Variants in AZI2 observed in about 807,000 individuals in gnomAD.
AZI2 encodes the protein 5-azacytidine induced 2, also known as 5-azacytidine-induced protein 2.
A neutral mutation model predicts 45.8 loss-of-function variants in AZI2; 22 were observed. That is an observed-to-expected ratio of 0.48 (90% CI 0.34 to 0.69). The LOEUF is 0.69. Ranked by LOEUF, AZI2 falls within the 30% of genes least tolerant of loss-of-function variation. AZI2 has a pLI of 0.01. For synonymous variants in AZI2, 137 were observed against 156.7 expected (o/e 0.87, Z 0.94); for missense variants, 417 against 441.5 (o/e 0.94, Z 0.50).
intron 6 of AZI2, among the ~76,000 whole-genome samples, chr3:28,331,470 G>T (rs1433832190): frequency 6.6e-6 from 1 of 151,500 alleles, no homozygotes; most frequent in Non-Finnish European, 1.5e-5. Flanking sequence ...AGACTGTACT[G>T]CCAGCTCACA....
intron 6 of AZI2, among the ~76,000 whole-genome samples, chr3:28,329,444 A>T (rs1432872461): frequency 6.6e-6 from 1 of 151,210 alleles, no homozygotes; most frequent in African/African-American, 2.4e-5. Context: ...ACTTCTCAGT[A>T]TAAAACTTCA....
intron 5 of AZI2, 141 bp downstream of exon 5, chr3:28,336,596 C>A: frequency 2.2e-6 from 2 of 920,940 alleles, no homozygotes; most frequent in Non-Finnish European, 3.0e-6. Context: ...GGTAGATAAA[C>A]AAGAATTTTT....
Position 28,323,905 on chromosome 3 carries a change from AGT to A in AZI2, c.*135_*136del, listed in dbSNP as rs1703276828. Reference sequence around the variant, plus strand: ...TATGTTGGTTTTTGTACTATTGTACAGTGTGTTCAAATATAGATACTGAAGAC... The same window carrying A: ...TATGTTGGTTTTTGTACTATTGTACAGTGTTCAAATATAGATACTGAAGAC... On this transcript the variant is annotated 3_prime_UTR_variant, in exon 8 of 8. Transcript: ENST00000479665. The A allele has an allele frequency of 7.4e-6, 7 of 949,570 alleles. No homozygotes were observed. The highest frequency in any genetic ancestry group is 1.7e-5 in the African/African-American group (1 of 59,632). The allele number at this position is 949,570 out of a possible 1,614,324, so 58.8% of individuals were successfully genotyped here.
Position 28,321,562 on chromosome 3 carries a change from C to T in AZI2, c.*2480G>A, listed in dbSNP as rs1436030066. The stretch of plus-strand genomic sequence containing the variant: ...ATCTGTCTCAGTTGTGTCTTGCTTG[C>T]TTATGGGTGCCTCTGTTGATATTAT... On this transcript the variant is annotated 3_prime_UTR_variant, in exon 8 of 8. Transcript: ENST00000479665. 3 of 151,304 alleles carry T rather than the reference C, an allele frequency of 2.0e-5. No homozygotes were observed. Among genetic ancestry groups the T allele is most frequent in the Non-Finnish European group, 4.4e-5 (3 of 67,528 alleles). 9.4% of individuals were successfully genotyped at this position (151,304 alleles called of 1,614,324 possible). A position where few individuals can be genotyped will look rare whatever the true frequency, so the allele number is the denominator to read the frequency against.
At chr3:28,337,905 GT>G in intron 4 of AZI2, 31 bp downstream of exon 4, 1 of 1,319,626 alleles carries the variant, frequency 7.6e-7, no homozygotes, top group Non-Finnish European at 1.0e-6. Flanking sequence ...TGTTAATTCT[GT>G]TAGAATATTT....
chr3:28,333,911 C>T (rs535418348), intron 5 of AZI2, among the ~76,000 whole-genome samples: 4 of 150,456 alleles, frequency 2.7e-5, no homozygotes, highest in Non-Finnish European at 5.9e-5. Context: ...ACTGGGCTAC[C>T]GTTATTAGGG....
At position 28,323,926 on chromosome 3, in the gene AZI2, T is replaced by C. The variant is rs779580842; in HGVS notation, c.*116A>G. On this transcript the variant is annotated 3_prime_UTR_variant, in exon 8 of 8. Coordinates refer to ENST00000479665, the MANE Select transcript of AZI2 (RefSeq NM_022461.5). The stretch of plus-strand genomic sequence containing the variant: ...GTACAGTGTGTTCAAATATAGATAC[T>C]GAAGACCTCTGCAAAATTTTAATCA... 99 of 1,219,058 alleles carry C rather than the reference T, an allele frequency of 8.1e-5. No homozygotes were observed. The highest frequency in any genetic ancestry group is 1.1e-4 in the Non-Finnish European group (92 of 872,356). 75.5% of individuals were successfully genotyped at this position (1,219,058 alleles called of 1,614,324 possible).
At chr3:28,338,368 C>A in intron 3 of AZI2, 125 bp downstream of exon 3, 1 of 1,079,438 alleles carries the variant, frequency 9.3e-7, no homozygotes. Flanking sequence ...TCCATTTTGC[C>A]TTGAACATGT....
intron 1 of AZI2, among the ~76,000 whole-genome samples, chr3:28,346,119 A>T (rs912200137): frequency 9.9e-5 from 15 of 152,148 alleles, no homozygotes; most frequent in African/African-American, 3.4e-4. Flanking sequence ...TACAACATTC[A>T]AAGAGGCAAT....
At position 28,322,216 on chromosome 3, in the gene AZI2, C is replaced by T. The variant is rs1043889235; in HGVS notation, c.*1826G>A. The T allele has an allele frequency of 6.6e-6, 1 of 151,220 alleles. No individual in the cohort carries two copies. Among genetic ancestry groups the T allele is most frequent in the African/African-American group, 2.4e-5 (1 of 41,332 alleles). The allele number at this position is 151,220 out of a possible 1,614,324, so 9.4% of individuals were successfully genotyped here. A position where few individuals can be genotyped will look rare whatever the true frequency, so the allele number is the denominator to read the frequency against. ...TATACCTGTTTGATAGCTATCATCACTGTACTGTTTAAATGGAAAATAATT... is the reference window on the plus strand; with the variant it reads ...TATACCTGTTTGATAGCTATCATCATTGTACTGTTTAAATGGAAAATAATT... On this transcript the variant is annotated 3_prime_UTR_variant, in exon 8 of 8. Coordinates refer to ENST00000479665, the MANE Select transcript of AZI2 (RefSeq NM_022461.5).
intron 6 of AZI2, among the ~76,000 whole-genome samples, chr3:28,327,173 A>G (rs1467027195): frequency 6.6e-6 from 1 of 151,076 alleles, no homozygotes; most frequent in Non-Finnish European, 1.5e-5. Context: ...CTATTATATT[A>G]AACGGTATAA....
chr3:28,343,062 T>G (rs1190190528), intron 1 of AZI2, among the ~76,000 whole-genome samples: 3 of 152,088 alleles, frequency 2.0e-5, no homozygotes, highest in African/African-American at 7.2e-5. Flanking sequence ...TTGTTCATTT[T>G]TATCATGAAA....
chr3:28,346,776 T>C (rs1436742519), intron 1 of AZI2, among the ~76,000 whole-genome samples: 1 of 152,172 alleles, frequency 6.6e-6, no homozygotes, highest in East Asian at 1.9e-4. Flanking sequence ...ATTTGTAAAA[T>C]AGCCTAACTA....
chr3:28,346,340 T>A (rs1271635254), intron 1 of AZI2, among the ~76,000 whole-genome samples: 1 of 152,068 alleles, frequency 6.6e-6, no homozygotes. Flanking sequence ...CTTACTAAAC[T>A]GTGAAGGCAA....
At chr3:28,341,590 T>C (rs1704019963) in intron 1 of AZI2, 1 of 152,094 alleles carries the variant, frequency 6.6e-6, no homozygotes, top group Non-Finnish European at 1.5e-5. Flanking sequence ...CTCTGAGAGT[T>C]AGGTTCCTGA....
At chr3:28,333,794 A>T (rs929790418) in intron 5 of AZI2, among the ~76,000 whole-genome samples, 2 of 151,622 alleles carry the variant, frequency 1.3e-5, no homozygotes, top group African/African-American at 4.8e-5. Flanking sequence ...AGTTTCATAT[A>T]AGGTGAGGCC....
chr3:28,326,616 C>T, intron 7 of AZI2: 1 of 520,280 alleles, frequency 1.9e-6, no homozygotes, highest in Admixed American at 3.3e-5. Context: ...GAAAAGAATA[C>T]AGTACTGAAG....
intron 6 of AZI2, among the ~76,000 whole-genome samples, chr3:28,331,375 GAA>G (rs1416514241): frequency 2.6e-5 from 4 of 151,348 alleles, no homozygotes; most frequent in Non-Finnish European, 4.4e-5. Flanking sequence ...TTCAAAAAAA[GAA>G]AAAGTTTCCT....
At chr3:28,324,754 T>C (rs1703319739) in intron 7 of AZI2, 2 of 246,098 alleles carry the variant, frequency 8.1e-6, no homozygotes, top group Admixed American at 5.3e-5. Context: ...TTTTAAAAGA[T>C]GAAGAACTAC....
Sources: gnomAD v4.1 joint callset for allele counts (sites outside exome capture counted in the v4.1 genomes callset) on GRCh38, gnomAD v4.1.1 for gene constraint, MANE v1.5 for transcripts, NCBI Gene and HGNC (gene_info 2026-07-23, HGNC 2026-07-21) for gene names.